Variants in TDRD1 observed in about 807,000 individuals in gnomAD.
TDRD1 encodes the protein tudor domain-containing protein 1.
A neutral mutation model predicts 140.6 loss-of-function variants in TDRD1; 37 were observed. The observed-to-expected ratio is 0.26, with a 90% CI of 0.20 to 0.35. The LOEUF (loss-of-function observed/expected upper bound fraction) is 0.35. TDRD1 is among the 10% of genes least tolerant of loss of function. The pLI is 1.00. For synonymous variants in TDRD1, 506 were observed against 475.7 expected (o/e 1.06, Z -0.83); for missense variants, 1,243 against 1,393.0 (o/e 0.89, Z 1.71).
chr10:114,188,914 G>A (rs2033757428), intron 2 of TDRD1, among the ~76,000 whole-genome samples: 1 of 151,306 alleles, frequency 6.6e-6, no homozygotes. Flanking sequence ...AAGAGGTTAG[G>A]ACCTGGTAGA....
intron 14 of TDRD1, 68 bp downstream of exon 14, chr10:114,212,104 C>A: frequency 1.4e-6 from 2 of 1,416,408 alleles, no homozygotes; most frequent in Non-Finnish European, 1.9e-6. Flanking sequence ...AAAAGATACA[C>A]GAAATAGGGA....
intron 17 of TDRD1, 135 bp from the exon 18 acceptor site, chr10:114,218,279 A>G (rs1237430039): frequency 1.8e-6 from 1 of 560,772 alleles, no homozygotes; most frequent in Non-Finnish European, 3.0e-6. Context: ...ATTTTGAAAA[A>G]TGAAAGGCGT....
intron 5 of TDRD1, among the ~76,000 whole-genome samples, chr10:114,201,941 T>A (rs1326237928): frequency 6.6e-6 from 1 of 152,220 alleles, no homozygotes; most frequent in African/African-American, 2.4e-5. Context: ...TAGGGAATTA[T>A]CTCCATTTTA....
exon 17 of TDRD1, chr10:114,217,586 C>T: frequency 6.2e-7 from 1 of 1,604,254 alleles, no homozygotes; most frequent in Non-Finnish European, 8.5e-7. Flanking sequence ...ATTAGCAGAA[C>T]ACTGCCAGCA....
At chr10:114,212,061 A>G (rs371254733) in intron 14 of TDRD1, 25 bp downstream of exon 14, 5 of 1,562,652 alleles carry the variant, frequency 3.2e-6, no homozygotes, top group East Asian at 2.3e-5. Context: ...TAGCCTCCAT[A>G]TTCTTTAAAA....
At chr10:114,179,208 GA>G (rs1233254984), upstream of TDRD1, 1 of 152,340 alleles carries the variant, frequency 6.6e-6, no homozygotes, top group African/African-American at 2.4e-5. Context: ...TGCTTCCGGG[GA>G]AGGCGGAGGG....
chr10:114,202,977 G>C (rs1023848440), intron 6 of TDRD1, 95 bp from the exon 7 acceptor site: 8 of 794,908 alleles, frequency 1.0e-5, no homozygotes, highest in African/African-American at 1.7e-5. Flanking sequence ...CTAAGAGTTA[G>C]GATATTGTGA....
intron 4 of TDRD1, 41 bp downstream of exon 4, chr10:114,199,358 A>G (rs1364938135): frequency 1.3e-6 from 2 of 1,559,468 alleles, no homozygotes; most frequent in South Asian, 1.2e-5. Flanking sequence ...CTTCTTCCAC[A>G]TATTTGAAAA....
At chr10:114,200,627 G>T (rs561363956) in intron 4 of TDRD1, among the ~76,000 whole-genome samples, 1 of 151,918 alleles carries the variant, frequency 6.6e-6, no homozygotes, top group Non-Finnish European at 1.5e-5. Flanking sequence ...GGGTTCAGGC[G>T]ATTCTCCTGC....
At chr10:114,199,131 T>A (rs767798218) in intron 3 of TDRD1, 42 bp from the exon 4 acceptor site, 1 of 1,586,330 alleles carries the variant, frequency 6.3e-7, no homozygotes, top group Non-Finnish European at 8.5e-7. Context: ...AATGGAAAAG[T>A]TATTGCCAAA....
chr10:114,215,592 G>A (rs1027062281), intron 16 of TDRD1, among the ~76,000 whole-genome samples: 2 of 151,998 alleles, frequency 1.3e-5, no homozygotes, highest in East Asian at 3.9e-4. Flanking sequence ...CCAAATATTG[G>A]TTTTTCTTTG....
intron 21 of TDRD1, 108 bp downstream of exon 21, chr10:114,222,811 G>T: frequency 1.6e-6 from 1 of 628,170 alleles, no homozygotes. Flanking sequence ...ATTTGGTTTA[G>T]GGAGAGAAAT....
chr10:114,223,253 A>G (rs1305947202), intron 21 of TDRD1, among the ~76,000 whole-genome samples: 3 of 152,238 alleles, frequency 2.0e-5, no homozygotes, highest in Non-Finnish European at 2.9e-5. Flanking sequence ...GCAGGCAAGC[A>G]TGGCTCCTGC....
At chr10:114,228,478 TAACTC>T in intron 25 of TDRD1, 1 of 1,037,258 alleles carries the variant, frequency 9.6e-7, no homozygotes, top group Non-Finnish European at 1.2e-6. Flanking sequence ...GATCTGAAAT[TAACTC>T]AGAGCTCACT....
At chr10:114,209,127 G>A (rs572207491) in intron 11 of TDRD1, among the ~76,000 whole-genome samples, 2 of 152,226 alleles carry the variant, frequency 1.3e-5, no homozygotes, top group Admixed American at 6.5e-5. Context: ...GCTGAGGTGG[G>A]AGGAGGGCTT....
intron 9 of TDRD1, among the ~76,000 whole-genome samples, chr10:114,204,419 C>T (rs1474159266): frequency 1.3e-5 from 2 of 152,164 alleles, no homozygotes; most frequent in Non-Finnish European, 2.9e-5. Flanking sequence ...CACATGTTTT[C>T]AATTTGCTCT....
intron 25 of TDRD1, among the ~76,000 whole-genome samples, chr10:114,231,147 C>T (rs1477168083): frequency 2.6e-5 from 4 of 152,264 alleles, no homozygotes; most frequent in East Asian, 1.9e-4. Flanking sequence ...TGTAAAATTG[C>T]TAAAACAGAA....
At position 114,207,464 on chromosome 10, in the gene TDRD1, A is replaced by G. The variant is rs143492092; in HGVS notation, c.1384+1134A>G. ...CATGGACAATTGAAACAATTTTCCA[A>G]TGTCATAGTTTATCTCCCTATCTGC... On this transcript the variant is annotated intron_variant, in intron 11 of 25. Transcript: ENST00000251864. 9.2e-5 allele frequency among the ~76,000 whole-genome samples: 14 copies of G among 152,234 alleles called. No homozygotes were observed. The South Asian group carries it at 1.2e-3, about 14-fold the overall frequency.
chr10:114,215,364 G>C (rs1174896233), intron 16 of TDRD1, among the ~76,000 whole-genome samples: 1 of 152,138 alleles, frequency 6.6e-6, no homozygotes, highest in Non-Finnish European at 1.5e-5. Flanking sequence ...GAACATTACA[G>C]CATATCTGGT....
Sources: gnomAD v4.1 joint callset for allele counts (sites outside exome capture counted in the v4.1 genomes callset) on GRCh38, gnomAD v4.1.1 for gene constraint, MANE v1.5 for transcripts, NCBI Gene and HGNC (gene_info 2026-07-23, HGNC 2026-07-21) for gene names.